DIAPH2: variants seen among roughly 807,000 people sequenced by gnomAD.
DIAPH2 encodes the protein protein diaphanous homolog 2.
In DIAPH2, 35 loss-of-function variants were observed where a neutral mutation model predicts 92.7. The ratio of observed to expected loss-of-function variants is 0.38; its 90% CI spans 0.29 to 0.50. DIAPH2 has a LOEUF of 0.50. Ranked by LOEUF, DIAPH2 falls within the 20% of genes least tolerant of loss-of-function variation. The probability of loss-of-function intolerance (pLI) is 0.94; values close to 1 mark genes in which losing one functional copy is unlikely to be tolerated. For synonymous variants in DIAPH2, 301 were observed against 280.4 expected, an observed-to-expected ratio of 1.07 and a Z score of -0.73; for missense variants, 701 against 819.5, an observed-to-expected ratio of 0.86 and a Z score of 1.77.
chrX:97,479,434 G>C (rs1345024132), intron 26 of DIAPH2, among the ~76,000 whole-genome samples: 1 of 112,359 alleles, frequency 8.9e-6, no homozygotes, highest in Non-Finnish European at 1.9e-5. Flanking sequence ...ATCTACTCCA[G>C]AATTGCTTTT....
intron 22 of DIAPH2, among the ~76,000 whole-genome samples, chrX:97,182,015 A>G (rs750867127): frequency 8.9e-6 from 1 of 111,780 alleles, no homozygotes; most frequent in East Asian, 2.8e-4. Context: ...ATTTGTCAGT[A>G]TCCTTCACAA....
Position 97,352,595 on chromosome X carries a change from C to A in DIAPH2, c.3009+4315C>A, listed in dbSNP as rs1431337492. Among the ~76,000 whole-genome samples the A allele has an allele frequency of 3.6e-5, 4 of 109,874 alleles. 1 individual carries two copies. The highest frequency in any genetic ancestry group is 5.7e-5 in the Non-Finnish European group (3 of 52,386). On this transcript the variant is annotated intron_variant, in intron 24 of 26. Transcript: ENST00000324765. ...TTTAAAGAACAGCATACAGGCCAGG[C>A]TCAGTGGCTCAAGCCGGTAATCCCA...
At chrX:97,545,522 GAAA>G (rs533114886) in intron 26 of DIAPH2, among the ~76,000 whole-genome samples, 24 of 67,003 alleles carry the variant, frequency 3.6e-4, no homozygotes, top group Middle Eastern at 8.8e-3. Context: ...TAAGTTTGAT[GAAA>G]AAAAAAAAAT....
At chrX:96,787,169 A>G (rs1254209740) in intron 4 of DIAPH2, among the ~76,000 whole-genome samples, 1 of 111,683 alleles carries the variant, frequency 9.0e-6, no homozygotes, top group Non-Finnish European at 1.9e-5. Context: ...TGTCGATGCC[A>G]TGAATTTACA....
intron 17 of DIAPH2, among the ~76,000 whole-genome samples, chrX:97,054,773 T>C (rs2066544606): frequency 9.0e-6 from 1 of 110,553 alleles, no homozygotes; most frequent in Non-Finnish European, 1.9e-5. Flanking sequence ...ATCATCTACA[T>C]AGGGAGAAAA....
intron 19 of DIAPH2, among the ~76,000 whole-genome samples, chrX:97,080,980 T>C (rs1359306948): frequency 8.9e-6 from 1 of 112,102 alleles, no homozygotes; most frequent in African/African-American, 3.2e-5. Flanking sequence ...TTGATGACTT[T>C]AGAAGACTAC....
intron 1 of DIAPH2, among the ~76,000 whole-genome samples, chrX:96,724,159 C>G (rs1207248371): frequency 9.1e-6 from 1 of 110,264 alleles, no homozygotes; most frequent in African/African-American, 3.3e-5. Flanking sequence ...CTCCTGACCT[C>G]AAGTGATCCG....
intron 26 of DIAPH2, among the ~76,000 whole-genome samples, chrX:97,494,636 A>G (rs1316588603): frequency 8.9e-6 from 1 of 112,310 alleles, no homozygotes; most frequent in Non-Finnish European, 1.9e-5. Flanking sequence ...AGACATGGAA[A>G]GAGCTTAACC....
chrX:96,806,646 C>CAA (rs1234663626), intron 4 of DIAPH2, among the ~76,000 whole-genome samples: 5 of 34,430 alleles, frequency 1.5e-4, no homozygotes, highest in African/African-American at 4.5e-4. Context: ...AACTCCATCT[C>CAA]AAAAAAAAAA....
At chrX:97,506,784 C>A (rs2070838095) in intron 26 of DIAPH2, among the ~76,000 whole-genome samples, 1 of 111,223 alleles carries the variant, frequency 9.0e-6, no homozygotes, top group African/African-American at 3.3e-5. Context: ...CTTTTCTTAT[C>A]CAGTAGTTCT....
chrX:97,320,714 CAAAAAA>C (rs146316009), intron 23 of DIAPH2, among the ~76,000 whole-genome samples: 2 of 40,162 alleles, frequency 5.0e-5, no homozygotes, highest in Admixed American at 3.5e-4. Context: ...GACTCCGTCT[CAAAAAA>C]AAAAAAAAAA....
intron 20 of DIAPH2, among the ~76,000 whole-genome samples, chrX:97,110,871 T>C (rs1408431588): frequency 1.8e-5 from 2 of 110,503 alleles, no homozygotes; most frequent in African/African-American, 6.6e-5. Context: ...TAGTCCCAGC[T>C]ACTCGGGAGG....
intron 26 of DIAPH2, among the ~76,000 whole-genome samples, chrX:97,562,547 T>G (rs925973429): frequency 1.8e-5 from 2 of 109,241 alleles, no homozygotes; most frequent in Admixed American, 2.0e-4. Context: ...AAAAAAAAAT[T>G]AAGAAAGGCC....
chrX:96,979,978 C>T (rs1440400758), intron 17 of DIAPH2, among the ~76,000 whole-genome samples: 1 of 110,930 alleles, frequency 9.0e-6, no homozygotes, highest in African/African-American at 3.3e-5. Context: ...TTCTGAGTGT[C>T]AGCAGAAGCA....
intron 26 of DIAPH2, among the ~76,000 whole-genome samples, chrX:97,551,465 CT>C (rs1310599515): frequency 2.8e-5 from 3 of 109,076 alleles, no homozygotes; most frequent in Non-Finnish European, 5.7e-5. Flanking sequence ...TGGCGCACAC[CT>C]GTAAACCCAG....
At chrX:96,692,439 T>A (rs1410621641) in intron 1 of DIAPH2, among the ~76,000 whole-genome samples, 1 of 112,144 alleles carries the variant, frequency 8.9e-6, no homozygotes, top group Non-Finnish European at 1.9e-5. Context: ...GATATACATG[T>A]CACTGAACTC....
chrX:97,035,025 C>T (rs1214674090), intron 17 of DIAPH2, among the ~76,000 whole-genome samples: 1 of 112,004 alleles, frequency 8.9e-6, no homozygotes, highest in Non-Finnish European at 1.9e-5. Flanking sequence ...TTCTACAACA[C>T]TACCACAGCT....
intron 21 of DIAPH2, among the ~76,000 whole-genome samples, chrX:97,139,335 A>T (rs748040779): frequency 9.3e-6 from 1 of 107,749 alleles, no homozygotes; most frequent in African/African-American, 3.3e-5. Context: ...ATATATATAT[A>T]TATTTTAAAT....
At chrX:96,825,834 C>G (rs991178552) in intron 4 of DIAPH2, among the ~76,000 whole-genome samples, 51 of 111,067 alleles carry the variant, frequency 4.6e-4, no homozygotes, top group African/African-American at 1.6e-3. Context: ...AACCACTCCT[C>G]CTTATCTATC....
Sources: gnomAD v4.1 joint callset for allele counts (sites outside exome capture counted in the v4.1 genomes callset) on GRCh38, gnomAD v4.1.1 for gene constraint, MANE v1.5 for transcripts, NCBI Gene and HGNC (gene_info 2026-07-23, HGNC 2026-07-21) for gene names.